The following MACIR variants were observed in gnomAD, a reference collection of about 807,000 sequenced individuals.
MACIR encodes the protein macrophage immunometabolism regulator.
A neutral mutation model predicts 14.3 loss-of-function variants in MACIR; 4 were observed. That is an observed-to-expected ratio of 0.28 (90% CI 0.14 to 0.64). The LOEUF (loss-of-function observed/expected upper bound fraction) is 0.64, where lower values mean the gene tolerates loss of function less well. MACIR is among the 30% of genes least tolerant of loss of function. The probability of loss-of-function intolerance (pLI) is 0.83; values close to 1 mark genes in which losing one functional copy is unlikely to be tolerated. For synonymous variants in MACIR, 101 were observed against 102.4 expected (o/e 0.99, Z 0.08); for missense variants, 228 against 257.6 (o/e 0.89, Z 0.79).
intron 1 of MACIR, among the ~76,000 whole-genome samples, chr5:103,264,801 A>G (rs1554236617): frequency 6.6e-6 from 1 of 152,142 alleles, no homozygotes; most frequent in Non-Finnish European, 1.5e-5. Context: ...TTTCCTTTGG[A>G]TAAAACTCTC....
intron 1 of MACIR, among the ~76,000 whole-genome samples, chr5:103,261,849 A>G (rs373659596): frequency 6.6e-6 from 1 of 151,978 alleles, no homozygotes; most frequent in African/African-American, 2.4e-5. Flanking sequence ...TCTGCCTAAA[A>G]TTTGTCCTTT....
At chr5:103,267,951 T>G (rs1233122643) in intron 2 of MACIR, among the ~76,000 whole-genome samples, 2 of 152,180 alleles carry the variant, frequency 1.3e-5, no homozygotes, top group Non-Finnish European at 2.9e-5. Flanking sequence ...GAATGCCACG[T>G]AAGTAGAAAC....
chr5:103,268,157 T>A (rs558636256), intron 2 of MACIR, among the ~76,000 whole-genome samples: 1 of 152,330 alleles, frequency 6.6e-6, no homozygotes, highest in African/African-American at 2.4e-5. Context: ...TTCAGGTGTT[T>A]GTATGGACGT....
Position 103,276,315 on chromosome 5 carries a change from C to T in MACIR, c.396C>T (p.Ser132=), listed in dbSNP as rs3180423. 6.2e-7 allele frequency: 1 copy of T among 1,612,762 alleles called. No homozygotes were observed. Among genetic ancestry groups the T allele is most frequent in the Non-Finnish European group, 8.5e-7 (1 of 1,179,866 alleles). ...GCAGGAGGCGAAGGCGGATGCCAAGCTCAGGAGACAAGTGCACTAAATCTT... is the reference window on the plus strand; with the variant it reads ...GCAGGAGGCGAAGGCGGATGCCAAGTTCAGGAGACAAGTGCACTAAATCTT... ...VNGRRRRRMP[S]SGDKCTKSLP... Residue 132 remains serine, a synonymous_variant, in exon 3 of 3, where the codon AGC becomes AGT. Coordinates refer to ENST00000319933, the MANE Select transcript of MACIR (RefSeq NM_033211.4).
At chr5:103,264,020 C>G (rs539539692) in intron 1 of MACIR, among the ~76,000 whole-genome samples, 1 of 152,078 alleles carries the variant, frequency 6.6e-6, no homozygotes, top group Non-Finnish European at 1.5e-5. Context: ...AAGTAGTTCC[C>G]CCAACCATTT....
upstream of MACIR, chr5:103,258,734 G>A (rs929172085): frequency 1.1e-4 from 17 of 153,306 alleles, no homozygotes; most frequent in African/African-American, 9.6e-5. Flanking sequence ...ACTAAGCAGG[G>A]CGGTAGCTGG....
intron 2 of MACIR, among the ~76,000 whole-genome samples, chr5:103,268,071 C>T (rs538009025): frequency 6.6e-6 from 1 of 152,178 alleles, no homozygotes; most frequent in Non-Finnish European, 1.5e-5. Flanking sequence ...GTTTGTTTAT[C>T]TCTTTCCCTG....
chr5:103,275,076 T>C (rs770900741), intron 2 of MACIR, among the ~76,000 whole-genome samples: 1 of 152,190 alleles, frequency 6.6e-6, no homozygotes, highest in African/African-American at 2.4e-5. Flanking sequence ...TATGAAACTA[T>C]TGAAAAGTAC....
At position 103,276,577 on chromosome 5, in the gene MACIR, C is replaced by T; in HGVS notation, c.*37C>T. 2 of 1,556,018 alleles carry T rather than the reference C, an allele frequency of 1.3e-6. No homozygotes were observed. Among genetic ancestry groups the T allele is most frequent in the South Asian group, 1.2e-5 (1 of 80,370 alleles). On this transcript the variant is annotated 3_prime_UTR_variant, in exon 3 of 3. Transcript: ENST00000319933. Reference sequence around the variant, plus strand: ...AGAGCTTAAACCAATTTAGGTCAGCCTACGCTTGGCTAGAAAAAACCCACT... The same window carrying T: ...AGAGCTTAAACCAATTTAGGTCAGCTTACGCTTGGCTAGAAAAAACCCACT...
chr5:103,276,157 G>C lies in MACIR; in HGVS notation c.238G>C (p.Gly80Arg), dbSNP rs1554237674. ...LLKLAQKCTGGEESKAEAMPS... is the reference protein window; with the variant it reads ...LLKLAQKCTGREESKAEAMPS... ...GAAGTTAGCTCAGAAGTGCACAGGA[G>C]GTGAAGAGAGCAAAGCAGAAGCCAT... Residue 80 changes from glycine to arginine, a missense_variant, in exon 3 of 3, where the codon GGT becomes CGT. Physicochemically the swap from Gly to Arg is moderately radical, Grantham distance 125 (BLOSUM62 -2). Transcript: ENST00000319933. The C allele has an allele frequency of 6.2e-7, 1 of 1,613,914 alleles. No individual in the cohort carries two copies. Among genetic ancestry groups the C allele is most frequent in the Non-Finnish European group, 8.5e-7 (1 of 1,179,992 alleles).
At chr5:103,260,904 A>G (rs782279079) in intron 1 of MACIR, among the ~76,000 whole-genome samples, 13 of 152,214 alleles carry the variant, frequency 8.5e-5, no homozygotes, top group Middle Eastern at 3.2e-3. Flanking sequence ...AGATTAGCCA[A>G]TTCCACAGTG....
chr5:103,268,382 A>T (rs1206285841), intron 2 of MACIR, among the ~76,000 whole-genome samples: 2 of 152,190 alleles, frequency 1.3e-5, no homozygotes, highest in Non-Finnish European at 2.9e-5. Context: ...TTTTATATGC[A>T]GTTTTAACAC....
At chr5:103,269,245 G>A (rs913420865) in intron 2 of MACIR, among the ~76,000 whole-genome samples, 1 of 151,908 alleles carries the variant, frequency 6.6e-6, no homozygotes, top group African/African-American at 2.4e-5. Context: ...CACAAAAATA[G>A]GTGGCTCTAG....
intron 2 of MACIR, among the ~76,000 whole-genome samples, chr5:103,267,682 C>T (rs782686019): frequency 1.2e-4 from 19 of 152,034 alleles, no homozygotes; most frequent in Admixed American, 3.9e-4. Context: ...CCATCTGAAA[C>T]GTGGAAATAT....
chr5:103,263,441 A>G (rs1804804338), intron 1 of MACIR, among the ~76,000 whole-genome samples: 1 of 152,142 alleles, frequency 6.6e-6, no homozygotes. Context: ...ATTACCGATC[A>G]TTTCCTAGAT....
chr5:103,262,838 A>G (rs1804776997), intron 1 of MACIR, among the ~76,000 whole-genome samples: 1 of 152,170 alleles, frequency 6.6e-6, no homozygotes, highest in Non-Finnish European at 1.5e-5. Context: ...CATTTAGTCT[A>G]TCTTCTAAGA....
intron 2 of MACIR, among the ~76,000 whole-genome samples, chr5:103,273,668 C>A (rs938636029): frequency 2.0e-5 from 3 of 152,142 alleles, no homozygotes; most frequent in African/African-American, 4.8e-5. Context: ...GCCTGTGCCT[C>A]CTCCTCATTA....
In MACIR at chr5:103,276,517, G is replaced by T; in HGVS notation, c.598G>T (p.Val200Leu). The part of the protein sequence containing the change: ...LQHLTLRGDR[V>L]FARNNT ...ACACCTAACCCTCCGAGGGGACCGT[G>T]TGTTTGCTAGGAATAATACATGAAT... The change falls in exon 3 of 3, where the codon GTG becomes TTG. Residue 200 changes from valine to leucine, a missense_variant. Coordinates refer to ENST00000319933, the MANE Select transcript of MACIR (RefSeq NM_033211.4). 1 of 1,611,038 alleles carries T rather than the reference G, an allele frequency of 6.2e-7. No homozygotes were observed. The highest frequency in any genetic ancestry group is 8.5e-7 in the Non-Finnish European group (1 of 1,178,846).
At chr5:103,274,654 GTT>G in intron 2 of MACIR, among the ~76,000 whole-genome samples, 1 of 144,008 alleles carries the variant, frequency 6.9e-6, no homozygotes, top group African/African-American at 2.5e-5. Flanking sequence ...ATAAAGTGCT[GTT>G]TTTTTTTTTT....
Sources: gnomAD v4.1 joint callset for allele counts (sites outside exome capture counted in the v4.1 genomes callset) on GRCh38, gnomAD v4.1.1 for gene constraint, MANE v1.5 for transcripts, NCBI Gene and HGNC (gene_info 2026-07-23, HGNC 2026-07-21) for gene names.